Variants in MCTP1 observed in about 807,000 individuals in gnomAD.
The protein encoded by MCTP1 is multiple C2 and transmembrane domain-containing protein 1.
A neutral mutation model predicts 120.6 loss-of-function variants in MCTP1; 69 were observed. That is an observed-to-expected ratio of 0.57 (90% confidence interval 0.47 to 0.70). The LOEUF (loss-of-function observed/expected upper bound fraction) is 0.70, where lower values mean the gene tolerates loss of function less well. Ranked by LOEUF, MCTP1 falls within the 30% of genes least tolerant of loss-of-function variation. The pLI, the probability that MCTP1 is intolerant of heterozygous loss-of-function variation, is 0.00. For synonymous variants in MCTP1, 529 were observed against 493.1 expected, an observed-to-expected ratio of 1.07 and a Z score of -0.96; for missense variants, 1,203 against 1,248.8, an observed-to-expected ratio of 0.96 and a Z score of 0.55.
chr5:95,084,207 C>A (rs917488501), intron 1 of MCTP1, among the ~76,000 whole-genome samples: 1 of 151,876 alleles, frequency 6.6e-6, no homozygotes, highest in Non-Finnish European at 1.5e-5. Context: ...TTAATGTATT[C>A]TTTAGGTAAT....
At chr5:94,798,187 T>C (rs1691590988) in intron 18 of MCTP1, among the ~76,000 whole-genome samples, 2 of 152,052 alleles carry the variant, frequency 1.3e-5, no homozygotes, top group South Asian at 2.1e-4. Context: ...CAGCTGTCTA[T>C]TGAGTTACCA....
intron 3 of MCTP1, among the ~76,000 whole-genome samples, chr5:94,946,356 T>C (rs1481790317): frequency 6.6e-6 from 1 of 152,182 alleles, no homozygotes; most frequent in Non-Finnish European, 1.5e-5. Flanking sequence ...GCCTATTTAT[T>C]GGCCAAAGAT....
At chr5:94,853,897 G>A (rs1794238574) in intron 17 of MCTP1, among the ~76,000 whole-genome samples, 1 of 151,860 alleles carries the variant, frequency 6.6e-6, no homozygotes, top group South Asian at 2.1e-4. Flanking sequence ...AGATTATCTA[G>A]CTGACAGCCT....
chr5:95,160,543 T>G (rs992580844), intron 1 of MCTP1, among the ~76,000 whole-genome samples: 8 of 152,160 alleles, frequency 5.3e-5, no homozygotes, highest in African/African-American at 9.7e-5. Flanking sequence ...GACATTGGTC[T>G]GGGCAAATAT....
At chr5:94,927,640 C>A (rs763503424) in intron 6 of MCTP1, among the ~76,000 whole-genome samples, 2 of 151,896 alleles carry the variant, frequency 1.3e-5, no homozygotes, top group Non-Finnish European at 2.9e-5. Flanking sequence ...GACTTTTTTT[C>A]ATCATGTCTA....
At chr5:95,100,184 T>C (rs1002743945) in intron 1 of MCTP1, among the ~76,000 whole-genome samples, 1 of 149,634 alleles carries the variant, frequency 6.7e-6, no homozygotes, top group African/African-American at 2.4e-5. Flanking sequence ...GATGACGAGT[T>C]AGTGGGTGCA....
At chr5:94,920,659 G>A (rs469697) in intron 7 of MCTP1, among the ~76,000 whole-genome samples, 67,034 of 151,198 alleles carry the variant, frequency 0.44, 15,370 homozygotes, top group East Asian at 0.57. Context: ...GGAGAATGGC[G>A]TGAACCCGGG....
At chr5:95,244,582 G>A (rs115419644) in intron 1 of MCTP1, among the ~76,000 whole-genome samples, 5,774 of 152,298 alleles carry the variant, frequency 0.038, 180 homozygotes, top group Non-Finnish European at 0.053. Flanking sequence ...CACTGCTAGC[G>A]CAACAGTCTG....
intron 17 of MCTP1, chr5:94,826,507 A>G (rs911408368): frequency 5.7e-6 from 4 of 704,504 alleles, no homozygotes; most frequent in Admixed American, 5.3e-5. Context: ...AGTTCTGTAC[A>G]TCTGCCTATA....
At chr5:95,087,379 C>A (rs559561448) in intron 1 of MCTP1, among the ~76,000 whole-genome samples, 1 of 152,258 alleles carries the variant, frequency 6.6e-6, no homozygotes, top group African/African-American at 2.4e-5. Context: ...CACACATTAC[C>A]AGTAGGTAAT....
intron 1 of MCTP1, chr5:95,081,358 A>G: frequency 4.3e-6 from 6 of 1,409,172 alleles, no homozygotes; most frequent in Non-Finnish European, 5.9e-6. Flanking sequence ...AGGAACAATC[A>G]TATACCTAAA....
chr5:95,068,198 A>G (rs1263478395), intron 1 of MCTP1, among the ~76,000 whole-genome samples: 1 of 152,156 alleles, frequency 6.6e-6, no homozygotes. Context: ...TTTGACTCCA[A>G]ATTTCTCAAG....
intron 1 of MCTP1, among the ~76,000 whole-genome samples, chr5:95,102,599 G>A (rs146477067): frequency 1.3e-5 from 2 of 152,316 alleles, no homozygotes; most frequent in East Asian, 3.9e-4. Context: ...GGGCAGTTCT[G>A]TGCTAAATAC....
intron 1 of MCTP1, among the ~76,000 whole-genome samples, chr5:95,133,945 A>T (rs551482078): frequency 2.0e-5 from 3 of 152,262 alleles, no homozygotes; most frequent in Admixed American, 1.3e-4. Flanking sequence ...AAAACCCCAA[A>T]TTTTCACTGT....
intron 3 of MCTP1, among the ~76,000 whole-genome samples, chr5:94,944,007 T>A: frequency 6.6e-6 from 1 of 152,116 alleles, no homozygotes; most frequent in East Asian, 1.9e-4. Context: ...GTTAGAAAGC[T>A]CAAAGCAGAG....
intron 1 of MCTP1, among the ~76,000 whole-genome samples, chr5:95,237,879 T>C (rs1755726905): frequency 6.6e-6 from 1 of 152,086 alleles, no homozygotes; most frequent in Non-Finnish European, 1.5e-5. Context: ...TTCACCATGA[T>C]CCAGAGCCTT....
intron 19 of MCTP1, among the ~76,000 whole-genome samples, chr5:94,767,878 A>G (rs984487501): frequency 2.0e-5 from 3 of 152,192 alleles, no homozygotes; most frequent in Non-Finnish European, 4.4e-5. Context: ...TACCAATAAC[A>G]TTCTTCTGAG....
At chr5:95,067,649 C>A (rs1751020749) in intron 1 of MCTP1, among the ~76,000 whole-genome samples, 1 of 151,872 alleles carries the variant, frequency 6.6e-6, no homozygotes, top group Non-Finnish European at 1.5e-5. Flanking sequence ...TTAGGACATA[C>A]TTCAATGTTT....
chr5:94,830,144 AAAAC>A (rs1411982169), intron 17 of MCTP1, among the ~76,000 whole-genome samples: 1 of 152,252 alleles, frequency 6.6e-6, no homozygotes, highest in Non-Finnish European at 1.5e-5. Context: ...ACAAAAGATT[AAAAC>A]AAACAAACAA....
Sources: allele counts gnomAD v4.1 joint callset (sites outside exome capture counted in the v4.1 genomes callset), GRCh38; gene constraint gnomAD v4.1.1; transcripts MANE v1.5; gene names NCBI Gene and HGNC (gene_info 2026-07-23, HGNC 2026-07-21).